WDR1: variants seen among roughly 807,000 people sequenced by gnomAD.
WDR1 encodes the protein WD repeat-containing protein 1.
WDR1 carries 21 observed loss-of-function variants against 71.9 expected under a neutral mutation model. That is an observed-to-expected ratio of 0.29 (90% CI 0.21 to 0.42). The LOEUF is 0.42. Among genes scored for constraint, WDR1 ranks in the 10% least tolerant of loss-of-function variants. The probability of loss-of-function intolerance (pLI) is 1.00; values close to 1 mark genes in which losing one functional copy is unlikely to be tolerated. For missense variants in WDR1, 696 were observed against 824.5 expected, an observed-to-expected ratio of 0.84 and a Z score of 1.91; for synonymous variants, 424 against 347.4, an observed-to-expected ratio of 1.22 and a Z score of -2.45.
In WDR1 at chr4:10,075,379, C is replaced by T; in HGVS notation, c.1820G>A (p.Ter607=). ...ASVKEWTITY[*] ...ATCCAGAGGCGGGGGTGGGGCTCCT[C>T]AGTAGGTGATTGTCCACTCCTTGAC... is the stretch of plus-strand genomic sequence containing the variant. The change falls in exon 15 of 15, where the codon TGA becomes TAA. Residue 607 remains the stop codon, a stop_retained_variant. Coordinates refer to ENST00000499869, the MANE Select transcript of WDR1 (RefSeq NM_017491.5). The T allele has an allele frequency of 1.2e-6, 2 of 1,613,560 alleles. No individual in the cohort carries two copies. Among genetic ancestry groups the T allele is most frequent in the South Asian group, 1.1e-5 (1 of 91,050 alleles).
chr4:10,077,350 C>T lies in WDR1; in HGVS notation c.1668G>A (p.Val556=), dbSNP rs1247847934. The T allele has an allele frequency of 3.1e-6, 5 of 1,613,896 alleles. No homozygotes were observed. The highest frequency in any genetic ancestry group is 2.7e-5 in the African/African-American group (2 of 74,926). Residue 556 remains valine (V), a synonymous_variant, in exon 14 of 15, where the codon GTG becomes GTA. Transcript: ENST00000499869. The part of the protein sequence containing the change: ...HFASGGMDMM[V]YVWTLSDPET... ...CCGGGTCACTCAGGGTCCAAACATA[C>T]ACCATCATGTCCATGCCACCGGAGG...
At chr4:10,077,576 G>A (rs1459309624) in intron 13 of WDR1, 128 bp from the exon 14 acceptor site, 8 of 1,505,634 alleles carry the variant, frequency 5.3e-6, no homozygotes, top group African/African-American at 2.8e-5. Context: ...CTATGCCAGC[G>A]ACCCCTGCAA....
At chr4:10,115,978 T>G in intron 2 of WDR1, 135 bp downstream of exon 2, 4 of 1,258,938 alleles carry the variant, frequency 3.2e-6, no homozygotes, top group Admixed American at 5.2e-5. Flanking sequence ...GAGGTGTGGC[T>G]CCCGGTAGAG....
chr4:10,116,140 T>C lies in WDR1; in HGVS notation c.111A>G (p.Gly37=), dbSNP rs771023652. 12 of 1,613,582 alleles carry C rather than the reference T, an allele frequency of 7.4e-6. No homozygotes were observed. In the Admixed American group the frequency reaches 8.3e-5, roughly 11 times the overall value. Residue 37 remains glycine, a synonymous_variant, in exon 2 of 15, where the codon GGA becomes GGG. Coordinates refer to ENST00000499869, the MANE Select transcript of WDR1 (RefSeq NM_017491.5). The part of the protein sequence containing the change: ...PKGNNFLYTN[G]KCVILRNIDN... ...CGATGTTCCTTAGGATGACGCACTT[T>C]CCATTGGTGTACAGAAAATTGTTGC...
At chr4:10,086,782 C>T (rs56334709) in intron 8 of WDR1, among the ~76,000 whole-genome samples, 2,394 of 152,310 alleles carry the variant, frequency 0.016, 31 homozygotes, top group African/African-American at 0.038. Flanking sequence ...CATTGTCCAC[C>T]TGCCTTGATA....
chr4:10,081,241 G>C (rs1477036877), intron 11 of WDR1, 116 bp downstream of exon 11: 3 of 872,972 alleles, frequency 3.4e-6, no homozygotes, highest in Admixed American at 2.0e-5. Flanking sequence ...CAGTGCAAAT[G>C]AGCACTCAAC....
intron 8 of WDR1, among the ~76,000 whole-genome samples, chr4:10,086,401 C>T (rs1256157135): frequency 2.0e-5 from 3 of 152,206 alleles, no homozygotes; most frequent in Non-Finnish European, 2.9e-5. Context: ...CCCACTGCCC[C>T]GGCACAAAGG....
At chr4:10,089,280 T>C (rs1405156740) in intron 5 of WDR1, among the ~76,000 whole-genome samples, 2 of 152,238 alleles carry the variant, frequency 1.3e-5, no homozygotes, top group African/African-American at 4.8e-5. Context: ...GGCTAATTTC[T>C]GTATTTTTAG....
intron 3 of WDR1, among the ~76,000 whole-genome samples, chr4:10,103,118 C>T (rs1414420954): frequency 1.3e-5 from 2 of 152,174 alleles, no homozygotes; most frequent in Non-Finnish European, 2.9e-5. Flanking sequence ...CCTAGCCTCC[C>T]ACTGAGCCAC....
At chr4:10,116,563 C>A (rs1307185632) in intron 1 of WDR1, 88 bp downstream of exon 1, 1 of 1,043,458 alleles carries the variant, frequency 9.6e-7, no homozygotes, top group African/African-American at 1.7e-5. Flanking sequence ...CCGAGGACTC[C>A]CCCGCCACCC....
chr4:10,077,714 C>G (rs1165002256), intron 13 of WDR1, 39 bp downstream of exon 13: 3 of 1,526,282 alleles, frequency 2.0e-6, no homozygotes, highest in Non-Finnish European at 2.6e-6. Flanking sequence ...ACCTGCACCG[C>G]CCAGCACGGG....
intron 3 of WDR1, among the ~76,000 whole-genome samples, chr4:10,103,289 G>GACACACAC (rs5856034): frequency 1.4e-5 from 2 of 147,022 alleles, no homozygotes; most frequent in East Asian, 2.0e-4. Context: ...CACACACACA[G>GACACACAC]ACACACACAC....
chr4:10,086,371 C>T (rs3756227), intron 8 of WDR1, among the ~76,000 whole-genome samples: 14 of 152,278 alleles, frequency 9.2e-5, no homozygotes, highest in African/African-American at 3.1e-4. Context: ...AGCCTTCCCC[C>T]TCTCAGCAGT....
chr4:10,076,741 T>C (rs1028123994), intron 14 of WDR1: 3 of 152,568 alleles, frequency 2.0e-5, no homozygotes, highest in African/African-American at 7.2e-5. Flanking sequence ...ATGAGGGGAC[T>C]TGACTACACA....
chr4:10,113,335 T>C (rs1713507836), intron 2 of WDR1, among the ~76,000 whole-genome samples: 1 of 152,162 alleles, frequency 6.6e-6, no homozygotes, highest in East Asian at 1.9e-4. Context: ...CACTCCAGCT[T>C]GGGCGACAGT....
intron 2 of WDR1, among the ~76,000 whole-genome samples, chr4:10,106,116 C>T (rs1373952531): frequency 1.9e-5 from 1 of 52,272 alleles, no homozygotes; most frequent in Non-Finnish European, 3.6e-5. Context: ...GAAGGGGTGG[C>T]GGGGGCGGGG....
intron 11 of WDR1, among the ~76,000 whole-genome samples, chr4:10,079,677 C>G (rs1316038547): frequency 6.6e-6 from 1 of 152,220 alleles, no homozygotes; most frequent in East Asian, 1.9e-4. Flanking sequence ...TTGCCTTTAT[C>G]CCAGTGTGCC....
chr4:10,092,513 C>G, intron 5 of WDR1: 2 of 156,936 alleles, frequency 1.3e-5, no homozygotes, highest in Admixed American at 1.2e-4. Context: ...AGGGTGGTGT[C>G]ATGTGTCCCT....
intron 5 of WDR1, chr4:10,092,501 GC>G: frequency 6.5e-6 from 1 of 153,612 alleles, no homozygotes; most frequent in Non-Finnish European, 1.5e-5. Context: ...ACAGGCTCTG[GC>G]AGGGTGGTGT....
Sources: gnomAD v4.1 joint callset for allele counts (sites outside exome capture counted in the v4.1 genomes callset) on GRCh38, gnomAD v4.1.1 for gene constraint, MANE v1.5 for transcripts, NCBI Gene and HGNC (gene_info 2026-07-23, HGNC 2026-07-21) for gene names.